Variants in HMGCLL1 observed in about 807,000 individuals in gnomAD.
HMGCLL1 encodes the protein 3-hydroxymethyl-3-methylglutaryl-CoA lyase, cytoplasmic.
In HMGCLL1, 36 loss-of-function variants were observed where a neutral mutation model predicts 39.1. That is an observed-to-expected ratio of 0.92 (90% CI 0.71 to 1.22). HMGCLL1 has a LOEUF of 1.22. Ranked by LOEUF, HMGCLL1 falls within the 50% of genes most tolerant of loss-of-function variation. The pLI is 0.00. For missense variants in HMGCLL1, 451 were observed against 416.5 expected (o/e 1.08, Z -0.72); for synonymous variants, 149 against 144.0 (o/e 1.03, Z -0.25).
intron 7 of HMGCLL1, among the ~76,000 whole-genome samples, chr6:55,465,000 T>C (rs1368121241): frequency 1.3e-5 from 2 of 152,302 alleles, no homozygotes; most frequent in South Asian, 2.1e-4. Flanking sequence ...ACCAGGACAA[T>C]TGCCATCTTT....
the HMGCLL1 span, among the ~76,000 whole-genome samples, chr6:55,626,628 A>G: frequency 1.3e-5 from 2 of 152,006 alleles, no homozygotes; most frequent in African/African-American, 2.4e-5. Flanking sequence ...ACCACTCACC[A>G]TCACCCGTAG....
chr6:55,594,504 G>A, the HMGCLL1 span, among the ~76,000 whole-genome samples: 1 of 152,184 alleles, frequency 6.6e-6, no homozygotes, highest in Non-Finnish European at 1.5e-5. Context: ...TGAAACATTT[G>A]TTCTGAGAAT....
intron 5 of HMGCLL1, among the ~76,000 whole-genome samples, chr6:55,505,164 T>G (rs1188394841): frequency 6.6e-6 from 1 of 151,598 alleles, no homozygotes; most frequent in Admixed American, 6.6e-5. Context: ...CTAGAAGAAT[T>G]AAATCATGAA....
the HMGCLL1 span, among the ~76,000 whole-genome samples, chr6:55,654,009 C>A: frequency 6.6e-6 from 1 of 151,944 alleles, no homozygotes; most frequent in Non-Finnish European, 1.5e-5. Context: ...GGAAAGAGGG[C>A]AGTATTTAAT....
At chr6:55,565,260 A>T (rs1771158775) in intron 1 of HMGCLL1, among the ~76,000 whole-genome samples, 1 of 152,014 alleles carries the variant, frequency 6.6e-6, no homozygotes, top group South Asian at 2.1e-4. Flanking sequence ...CCATTTCCTT[A>T]TATTGAAAGT....
the HMGCLL1 span, among the ~76,000 whole-genome samples, chr6:55,616,113 T>C: frequency 0.76 from 115,672 of 152,036 alleles, 44,083 homozygotes; most frequent in Middle Eastern, 0.79. Flanking sequence ...ATAGTCTTCT[T>C]CTCCTTGCAT....
At chr6:55,492,420 A>G (rs1766362230) in intron 7 of HMGCLL1, among the ~76,000 whole-genome samples, 1 of 152,228 alleles carries the variant, frequency 6.6e-6, no homozygotes. Flanking sequence ...CACCTCACTC[A>G]GCGCCACTCA....
chr6:55,622,239 T>A, the HMGCLL1 span, among the ~76,000 whole-genome samples: 1 of 152,100 alleles, frequency 6.6e-6, no homozygotes, highest in Non-Finnish European at 1.5e-5. Flanking sequence ...GAAGTCTTCC[T>A]TTCCAATTTG....
At chr6:55,676,976 T>C in the HMGCLL1 span, among the ~76,000 whole-genome samples, 4 of 152,238 alleles carry the variant, frequency 2.6e-5, no homozygotes, top group Non-Finnish European at 5.9e-5. Context: ...AACTAGCACA[T>C]AGTTATAGTT....
intron 1 of HMGCLL1, among the ~76,000 whole-genome samples, chr6:55,572,458 C>A (rs1771550469): frequency 6.6e-6 from 1 of 151,898 alleles, no homozygotes; most frequent in Admixed American, 6.6e-5. Context: ...AGAGCAGATA[C>A]TAAAATTGGA....
At chr6:55,610,686 G>A in the HMGCLL1 span, among the ~76,000 whole-genome samples, 53 of 151,964 alleles carry the variant, frequency 3.5e-4, 1 homozygote, top group South Asian at 4.8e-3. Context: ...TCCAGAGGAC[G>A]CAAGTAAGAT....
At chr6:55,490,357 C>A (rs12526270) in intron 7 of HMGCLL1, among the ~76,000 whole-genome samples, 51,148 of 151,906 alleles carry the variant, frequency 0.34, 8,899 homozygotes, top group Non-Finnish European at 0.37. Context: ...ACAACAACAA[C>A]AAACAAAAAA....
At chr6:55,456,511 C>T (rs143824986) in intron 7 of HMGCLL1, among the ~76,000 whole-genome samples, 10 of 152,280 alleles carry the variant, frequency 6.6e-5, no homozygotes, top group African/African-American at 2.2e-4. Context: ...TTGTCCGTCA[C>T]GTCTTTGCTC....
At chr6:55,440,949 A>G (rs1763569114) in intron 7 of HMGCLL1, among the ~76,000 whole-genome samples, 1 of 152,118 alleles carries the variant, frequency 6.6e-6, no homozygotes, top group African/African-American at 2.4e-5. Context: ...GAATTCCTAT[A>G]TATTGCACAC....
At chr6:55,463,119 C>T (rs1008112343) in intron 7 of HMGCLL1, among the ~76,000 whole-genome samples, 1 of 151,520 alleles carries the variant, frequency 6.6e-6, no homozygotes, top group Non-Finnish European at 1.5e-5. Context: ...CAACCTCCGC[C>T]TCCTGGGTTC....
At chr6:55,437,241 A>G (rs1417117767) in intron 8 of HMGCLL1, among the ~76,000 whole-genome samples, 6 of 151,998 alleles carry the variant, frequency 3.9e-5, no homozygotes, top group Non-Finnish European at 8.8e-5. Context: ...TATGTCTCGT[A>G]TACTATGATA....
chr6:55,480,677 G>A (rs1278808704), intron 7 of HMGCLL1, among the ~76,000 whole-genome samples: 1 of 151,686 alleles, frequency 6.6e-6, no homozygotes, highest in Non-Finnish European at 1.5e-5. Context: ...ACAGATATCT[G>A]TACTTACATG....
chr6:55,610,358 A>G, the HMGCLL1 span, among the ~76,000 whole-genome samples: 1 of 152,030 alleles, frequency 6.6e-6, no homozygotes, highest in Non-Finnish European at 1.5e-5. Flanking sequence ...ATGGAGGTGA[A>G]ATACACAGCA....
chr6:55,537,282 T>C (rs1769089052), intron 3 of HMGCLL1, among the ~76,000 whole-genome samples: 1 of 152,184 alleles, frequency 6.6e-6, no homozygotes, highest in African/African-American at 2.4e-5. Context: ...GAAGATAAAT[T>C]TCCTGTCTTG....
Sources: allele counts gnomAD v4.1 joint callset (sites outside exome capture counted in the v4.1 genomes callset), GRCh38; gene constraint gnomAD v4.1.1; transcripts MANE v1.5; gene names NCBI Gene and HGNC (gene_info 2026-07-23, HGNC 2026-07-21).